Variants in TEK observed in about 807,000 individuals in gnomAD.
TEK encodes angiopoietin-1 receptor.
A neutral mutation model predicts 131.8 loss-of-function variants in TEK; 43 were observed. The ratio of observed to expected loss-of-function variants is 0.33; its 90% CI spans 0.26 to 0.42. The LOEUF (loss-of-function observed/expected upper bound fraction) is 0.42. Ranked by LOEUF, TEK falls within the 10% of genes least tolerant of loss-of-function variation. The pLI is 1.00. For synonymous variants in TEK, 580 were observed against 491.6 expected (o/e 1.18, Z -2.38); for missense variants, 1,162 against 1,384.4 (o/e 0.84, Z 2.55).
chr9:27,220,229 C>G (rs549289275), intron 21 of TEK, 84 bp downstream of exon 21: 1 of 1,274,652 alleles, frequency 7.8e-7, no homozygotes, highest in Non-Finnish European at 1.1e-6. Context: ...GCAAAGTCAG[C>G]CGGTATACAC....
intron 18 of TEK, among the ~76,000 whole-genome samples, chr9:27,217,087 A>C (rs1165229668): frequency 1.3e-5 from 2 of 152,226 alleles, no homozygotes; most frequent in Non-Finnish European, 1.5e-5. Flanking sequence ...AGGCATCGAA[A>C]GGATCAGTAT....
intron 1 of TEK, among the ~76,000 whole-genome samples, chr9:27,127,055 A>G (rs1250080407): frequency 1.3e-5 from 2 of 152,180 alleles, no homozygotes; most frequent in African/African-American, 4.8e-5. Context: ...GTATACATGT[A>G]CCATGGTGGT....
At chr9:27,110,276 T>C (rs948005878) in intron 1 of TEK, among the ~76,000 whole-genome samples, 10 of 152,150 alleles carry the variant, frequency 6.6e-5, no homozygotes, top group African/African-American at 2.2e-4. Flanking sequence ...AAGGGTTTAC[T>C]GGCCCAATGA....
chr9:27,120,976 G>A (rs931602074), intron 1 of TEK, among the ~76,000 whole-genome samples: 3 of 152,254 alleles, frequency 2.0e-5, no homozygotes, highest in Non-Finnish European at 4.4e-5. Context: ...TGGCATTTCA[G>A]TATTTCCAGT....
chr9:27,196,669 G>A (rs989202775), intron 11 of TEK, among the ~76,000 whole-genome samples: 29 of 152,006 alleles, frequency 1.9e-4, no homozygotes, highest in African/African-American at 7.0e-4. Context: ...GAGGCCTGAG[G>A]GAGCTTTTAC....
intron 1 of TEK, among the ~76,000 whole-genome samples, chr9:27,156,928 G>A (rs1823350958): frequency 1.3e-5 from 2 of 150,122 alleles, no homozygotes; most frequent in Admixed American, 6.7e-5. Flanking sequence ...TTAAAGAGGA[G>A]AGAATAGACA....
At chr9:27,134,575 G>C (rs1282614543) in intron 1 of TEK, among the ~76,000 whole-genome samples, 1 of 152,082 alleles carries the variant, frequency 6.6e-6, no homozygotes, top group Non-Finnish European at 1.5e-5. Context: ...TTGAAGCCTA[G>C]GGCTCTTGCT....
At chr9:27,177,640 C>G (rs1439802046) in intron 6 of TEK, among the ~76,000 whole-genome samples, 1 of 152,134 alleles carries the variant, frequency 6.6e-6, no homozygotes, top group Non-Finnish European at 1.5e-5. Context: ...ATCCCAGCTA[C>G]TTGGGGGGCT....
At chr9:27,168,425 T>G (rs1261896518) in intron 2 of TEK, 70 bp from the exon 3 acceptor site, 1 of 1,257,628 alleles carries the variant, frequency 8.0e-7, no homozygotes, top group Non-Finnish European at 1.2e-6. Context: ...TTTCTGAGTC[T>G]CAAAGCTCAA....
chr9:27,200,530 C>T (rs1825178380), intron 12 of TEK, among the ~76,000 whole-genome samples: 1 of 152,096 alleles, frequency 6.6e-6, no homozygotes, highest in Non-Finnish European at 1.5e-5. Context: ...CCTATAGGGT[C>T]AGGAAATCCG....
intron 1 of TEK, among the ~76,000 whole-genome samples, chr9:27,120,133 T>C (rs975068288): frequency 1.1e-4 from 17 of 152,224 alleles, no homozygotes; most frequent in Non-Finnish European, 2.9e-5. Context: ...GCAGTGGTGA[T>C]TGCTTGTGGT....
intron 21 of TEK, among the ~76,000 whole-genome samples, chr9:27,224,246 CCTAACT>C (rs1271765838): frequency 6.6e-6 from 1 of 152,174 alleles, no homozygotes. Context: ...AGGGATCTTT[CCTAACT>C]CATTTTATGA....
rs1825274225 is a variant in TEK at position 27,202,974 on chromosome 9, G to A, written c.2064G>A (p.Lys688=). 1 of 1,613,990 alleles carries A rather than the reference G, an allele frequency of 6.2e-7. No individual in the cohort carries two copies. The highest frequency in any genetic ancestry group is 1.7e-5 in the Admixed American group (1 of 59,986). ...ATGAAGACCAGCACGTTGATGTGAAGATAAAGAATGCCACCATCACTCAGT... is the reference window on the plus strand; with the variant it reads ...ATGAAGACCAGCACGTTGATGTGAAAATAAAGAATGCCACCATCACTCAGT... ...GKNEDQHVDV[K]IKNATITQYQ... Residue 688 remains lysine, a synonymous_variant, in exon 13 of 23, where the codon AAG becomes AAA. Coordinates refer to ENST00000380036, the MANE Select transcript of TEK (RefSeq NM_000459.5).
intron 19 of TEK, among the ~76,000 whole-genome samples, 170 bp from the exon 20 acceptor site, chr9:27,218,607 A>G (rs1732611338): frequency 6.6e-6 from 1 of 152,200 alleles, no homozygotes; most frequent in Non-Finnish European, 1.5e-5. Context: ...TAACCCTTCC[A>G]TTGAGCTAAG....
At chr9:27,213,722 A>G (rs1825716313) in intron 18 of TEK, 125 bp downstream of exon 18, 2 of 742,804 alleles carry the variant, frequency 2.7e-6, no homozygotes, top group African/African-American at 3.5e-5. Flanking sequence ...CCCAGTAGAT[A>G]CTGTGTGCCC....
chr9:27,219,903 G>A (rs555355493), intron 20 of TEK, 146 bp from the exon 21 acceptor site: 1 of 791,340 alleles, frequency 1.3e-6, no homozygotes, highest in African/African-American at 1.7e-5. Context: ...GATGTGCAGT[G>A]AGTTTGCCAA....
At chr9:27,197,710 G>C in intron 12 of TEK, 111 bp downstream of exon 12, 1 of 1,383,630 alleles carries the variant, frequency 7.2e-7, no homozygotes, top group Non-Finnish European at 1.0e-6. Context: ...AAAGTTAGTT[G>C]TGAGAGAAGG....
chr9:27,218,840 C>A, intron 20 of TEK, 23 bp downstream of exon 20: 1 of 1,612,300 alleles, frequency 6.2e-7, no homozygotes, highest in South Asian at 1.1e-5. Flanking sequence ...GTTTATCTAC[C>A]AGGTGAGACT....
chr9:27,192,403 T>C (rs1824853518), intron 10 of TEK, 86 bp from the exon 11 acceptor site: 1 of 1,526,584 alleles, frequency 6.6e-7, no homozygotes, highest in Non-Finnish European at 9.1e-7. Flanking sequence ...AACCTAAAAT[T>C]AGTTCACATC....
Sources: allele counts gnomAD v4.1 joint callset (sites outside exome capture counted in the v4.1 genomes callset), GRCh38; gene constraint gnomAD v4.1.1; transcripts MANE v1.5; gene names NCBI Gene and HGNC (gene_info 2026-07-23, HGNC 2026-07-21).